The following PIK3R5 variants were observed in gnomAD, a reference collection of about 807,000 sequenced individuals.
PIK3R5 encodes the protein phosphoinositide-3-kinase regulatory subunit 5.
Under a neutral mutation model 94.9 loss-of-function variants are expected in PIK3R5, and 32 were observed. That is an observed-to-expected ratio of 0.34 (90% confidence interval 0.25 to 0.45). PIK3R5 has a LOEUF of 0.45. PIK3R5 is among the 20% of genes least tolerant of loss of function. The pLI, the probability that PIK3R5 is intolerant of heterozygous loss-of-function variation, is 1.00. For synonymous variants in PIK3R5, 443 were observed against 479.4 expected, an observed-to-expected ratio of 0.92 and a Z score of 0.99; for missense variants, 853 against 1,144.6, an observed-to-expected ratio of 0.75 and a Z score of 3.68.
chr17:8,904,631 A>G lies in PIK3R5; in HGVS notation c.412+146T>C, dbSNP rs1018930477. 1.1e-5 allele frequency: 8 copies of G among 713,592 alleles called. No individual in the cohort carries two copies. In the African/African-American group the frequency reaches 1.4e-4, roughly 13 times the overall value. 44.2% of individuals were successfully genotyped at this position (713,592 alleles called of 1,614,324 possible). ...GATGCTTGATGGTGCTGTGAAGAGG[A>G]GACTCCATGTTTGTGAACCAAGGCG... On this transcript the variant is annotated intron_variant, in intron 5 of 18. Coordinates refer to ENST00000447110, the MANE Select transcript of PIK3R5 (RefSeq NM_001142633.3). The surrounding 1 kb of genome is among the most constrained non-coding windows in gnomAD (Gnocchi z 5.1).
At chr17:8,964,672 C>G (rs1219395745) in intron 1 of PIK3R5, among the ~76,000 whole-genome samples, 1 of 152,178 alleles carries the variant, frequency 6.6e-6, no homozygotes, top group African/African-American at 2.4e-5. Context: ...GAGAGCCCTA[C>G]CTGCAGTCAG....
chr17:8,890,896 TCAG>T lies in PIK3R5; in HGVS notation c.496_498del (p.Leu166del). ...AACTCGGCCTGCACTTCCACTGGGT[TCAG>T]CAGCAGCACGGTGCTGGGGACACAG... is the stretch of plus-strand genomic sequence containing the variant. On this transcript the variant is annotated inframe_deletion, in exon 7 of 19. Coordinates refer to ENST00000447110, the MANE Select transcript of PIK3R5 (RefSeq NM_001142633.3). This position sits in a 1 kb window ranked among gnomAD's most constrained non-coding sequence, Gnocchi z 6.1. 1 of 1,613,814 alleles carries T rather than the reference TCAG, an allele frequency of 6.2e-7. No individual in the cohort carries two copies.
rs151095819 is a variant in PIK3R5 at position 8,881,925 on chromosome 17, G to A, written c.2206-44C>T. ...CAGACCCTCTGAGTCCAGAGGCCCC[G>A]GTGCCTGCTGCCTTCTCTTTGAAGG... On this transcript the variant is annotated intron_variant, in intron 15 of 18. Transcript: ENST00000447110. The surrounding 1 kb of genome is among the most constrained non-coding windows in gnomAD (Gnocchi z 4.8). The A allele has an allele frequency of 9.4e-5, 136 of 1,453,236 alleles. 1 individual carries two copies. In the African/African-American group the frequency reaches 1.3e-3, roughly 14 times the overall value. The allele number at this position is 1,453,236 out of a possible 1,614,324, so 90.0% of individuals were successfully genotyped here.
chr17:8,880,901 C>A lies in PIK3R5; in HGVS notation c.2495+4G>T. The A allele has an allele frequency of 1.2e-6, 2 of 1,613,866 alleles. No individual in the cohort carries two copies. The highest frequency in any genetic ancestry group is 1.7e-6 in the Non-Finnish European group (2 of 1,179,728). On this transcript the variant is annotated splice_donor_region_variant and intron_variant, in intron 18 of 18. Coordinates refer to ENST00000447110, the MANE Select transcript of PIK3R5 (RefSeq NM_001142633.3). ...CTCCCCTCCCTAGGACCCCCCTTTC[C>A]TACCTGACTACACTCTGCAGGATCT...
At chr17:8,959,706 A>C (rs556669580) in intron 1 of PIK3R5, among the ~76,000 whole-genome samples, 1 of 152,286 alleles carries the variant, frequency 6.6e-6, no homozygotes, top group South Asian at 2.1e-4. Flanking sequence ...CAGGCCAAAA[A>C]CCCAGTGATA....
chr17:8,920,200 C>T (rs2090711673), intron 1 of PIK3R5, among the ~76,000 whole-genome samples: 2 of 152,030 alleles, frequency 1.3e-5, no homozygotes, highest in South Asian at 4.1e-4. Flanking sequence ...GCTTTCTTAA[C>T]ACACACATCT....
chr17:8,890,631 G>C lies in PIK3R5; in HGVS notation c.657+107C>G. On this transcript the variant is annotated intron_variant, in intron 7 of 18. Coordinates refer to ENST00000447110, the MANE Select transcript of PIK3R5 (RefSeq NM_001142633.3). The surrounding 1 kb of genome is among the most constrained non-coding windows in gnomAD (Gnocchi z 6.1). ...CACCACCCTGCCATGTCACCTGGGT[G>C]CAGGAGACTAAGTGTACCCTGGAGA... is the stretch of plus-strand genomic sequence containing the variant. 1.0e-6 allele frequency: 1 copy of C among 978,476 alleles called. No individual in the cohort carries two copies. Among genetic ancestry groups the C allele is most frequent in the South Asian group, 1.7e-5 (1 of 60,282 alleles). The allele number at this position is 978,476 out of a possible 1,614,324, so 60.6% of individuals were successfully genotyped here. A position where few individuals can be genotyped will look rare whatever the true frequency, so the allele number is the denominator to read the frequency against.
intron 1 of PIK3R5, among the ~76,000 whole-genome samples, chr17:8,926,900 A>G (rs1469576952): frequency 6.6e-6 from 1 of 151,438 alleles, no homozygotes. Context: ...TATCACATAG[A>G]TAACAGAGGT....
rs1272366406 is a variant in PIK3R5 at position 8,944,005 on chromosome 17, C to T, written c.-14+21591G>A. Among the ~76,000 whole-genome samples, 3 of 151,820 alleles carry T rather than the reference C, an allele frequency of 2.0e-5. No homozygotes were observed. In the South Asian group the frequency reaches 6.2e-4, roughly 31 times the overall value. On this transcript the variant is annotated intron_variant, in intron 1 of 18. Transcript: ENST00000447110. Reference sequence around the variant, plus strand: ...CGTCACCCAGGTACTAAGCTTAGTACCCAATAGTTATTTTTTTCTGATCTT... The same window carrying T: ...CGTCACCCAGGTACTAAGCTTAGTATCCAATAGTTATTTTTTTCTGATCTT...
rs111621546 is a variant in PIK3R5 at position 8,881,537 on chromosome 17, A to T, written c.2382+93T>A. 1.9e-4 allele frequency: 178 copies of T among 957,788 alleles called. No homozygotes were observed. The African/African-American group carries it at 2.5e-3, about 13-fold the overall frequency. 59.3% of individuals were successfully genotyped at this position (957,788 alleles called of 1,614,324 possible). A position where few individuals can be genotyped will look rare whatever the true frequency, so the allele number is the denominator to read the frequency against. ...GGTGTGTATGTGCACACATGCACAC[A>T]CATACATGTGCACACACACGTACAC... On this transcript the variant is annotated intron_variant, in intron 17 of 18. Transcript: ENST00000447110. This position sits in a 1 kb window ranked among gnomAD's most constrained non-coding sequence, Gnocchi z 4.8.
chr17:8,943,749 A>G (rs1349290726), intron 1 of PIK3R5, among the ~76,000 whole-genome samples: 1 of 152,124 alleles, frequency 6.6e-6, no homozygotes, highest in African/African-American at 2.4e-5. Flanking sequence ...CTCCAGCCTG[A>G]GTGACAGAGC....
rs997059951 is a variant in PIK3R5 at position 8,911,141 on chromosome 17, G to A, written c.103+251C>T. 6.6e-6 allele frequency among the ~76,000 whole-genome samples: 1 copy of A among 152,218 alleles called. No individual in the cohort carries two copies. The highest frequency in any genetic ancestry group is 6.5e-5 in the Admixed American group (1 of 15,280). ...GCAGATTCGATGGATTCTTCCAGAA[G>A]TAAAAGGCAGCCAGCCCTGAGTAGG... On this transcript the variant is annotated intron_variant, in intron 2 of 18. Coordinates refer to ENST00000447110, the MANE Select transcript of PIK3R5 (RefSeq NM_001142633.3). The surrounding 1 kb of genome is among the most constrained non-coding windows in gnomAD (Gnocchi z 5.3).
At chr17:8,947,126 C>T (rs1452942584) in intron 1 of PIK3R5, among the ~76,000 whole-genome samples, 6 of 150,604 alleles carry the variant, frequency 4.0e-5, no homozygotes, top group African/African-American at 1.5e-4. Flanking sequence ...GACTGAGATA[C>T]AGATGCGGCT....
chr17:8,887,803 G>C, intron 10 of PIK3R5, 120 bp from the exon 11 acceptor site: 1 of 825,156 alleles, frequency 1.2e-6, no homozygotes, highest in East Asian at 2.8e-5. Context: ...GACCAGCCTG[G>C]TCAACAGAGG....
intron 1 of PIK3R5, among the ~76,000 whole-genome samples, chr17:8,961,050 T>C (rs2091554591): frequency 6.6e-6 from 1 of 151,666 alleles, no homozygotes; most frequent in Non-Finnish European, 1.5e-5. Flanking sequence ...TGCGAAGACA[T>C]AGAAAGCACA....
At chr17:8,923,931 G>T (rs1261861768) in intron 1 of PIK3R5, among the ~76,000 whole-genome samples, 1 of 113,390 alleles carries the variant, frequency 8.8e-6, no homozygotes. Flanking sequence ...TCAAGACAGG[G>T]TCTTGCTCTG....
At chr17:8,921,905 A>G (rs2090755754) in intron 1 of PIK3R5, among the ~76,000 whole-genome samples, 1 of 152,230 alleles carries the variant, frequency 6.6e-6, no homozygotes, top group Non-Finnish European at 1.5e-5. Context: ...AGCACAGGCA[A>G]CAAAAGAAAA....
intron 1 of PIK3R5, among the ~76,000 whole-genome samples, chr17:8,923,572 C>T (rs2151431321): frequency 6.6e-6 from 1 of 152,278 alleles, no homozygotes; most frequent in South Asian, 2.1e-4. Context: ...ACTGAAATTA[C>T]TGCCAAGCTG....
chr17:8,954,152 A>G (rs1466603533), intron 1 of PIK3R5, among the ~76,000 whole-genome samples: 1 of 152,202 alleles, frequency 6.6e-6, no homozygotes, highest in Non-Finnish European at 1.5e-5. Context: ...TGGGAGTGAG[A>G]AAAGGAAGTT....
Sources: allele counts gnomAD v4.1 joint callset (sites outside exome capture counted in the v4.1 genomes callset), GRCh38; gene constraint gnomAD v4.1.1; non-coding constraint Gnocchi (gnomAD v3.1); transcripts MANE v1.5; gene names NCBI Gene and HGNC (gene_info 2026-07-23, HGNC 2026-07-21).